Variants in TRHDE observed in about 807,000 individuals in gnomAD.
TRHDE encodes the protein thyrotropin releasing hormone degrading enzyme.
Under a neutral mutation model 125.7 loss-of-function variants are expected in TRHDE, and 72 were observed. The observed-to-expected ratio is 0.57, with a 90% CI of 0.47 to 0.70. TRHDE has a LOEUF of 0.70. Ranked by LOEUF, TRHDE falls within the 30% of genes least tolerant of loss-of-function variation. The pLI, the probability that TRHDE is intolerant of heterozygous loss-of-function variation, is 0.00. For synonymous variants in TRHDE, 509 were observed against 509.1 expected (o/e 1.00, Z 0.00); for missense variants, 1,110 against 1,327.1 (o/e 0.84, Z 2.54).
intron 2 of TRHDE, among the ~76,000 whole-genome samples, chr12:72,139,735 C>A (rs1876069539): frequency 6.6e-6 from 1 of 151,996 alleles, no homozygotes; most frequent in Non-Finnish European, 1.5e-5. Flanking sequence ...ATAAAATTAC[C>A]CTATTGTAAA....
chr12:72,272,849 G>C lies in TRHDE; in HGVS notation c.206G>C (p.Gly69Ala). 1.3e-6 allele frequency: 2 copies of C among 1,583,342 alleles called. No individual in the cohort carries two copies. The highest frequency in any genetic ancestry group is 2.3e-5 in the South Asian group (2 of 88,256). ...TCCGACCCGTGGGCAGACTCAGTGGGAGTGCGACCCCGCACCACGGAGCGC... is the reference window on the plus strand; with the variant it reads ...TCCGACCCGTGGGCAGACTCAGTGGCAGTGCGACCCCGCACCACGGAGCGC... ...GLSDPWADSVGVRPRTTERHI... is the reference protein window; with the variant it reads ...GLSDPWADSVAVRPRTTERHI... Residue 69 changes from glycine (G) to alanine (A), a missense_variant, in exon 1 of 19, where the codon GGA becomes GCA. Transcript: ENST00000261180. This position sits in a 1 kb window ranked among gnomAD's most constrained non-coding sequence, Gnocchi z 6.7.
intron 2 of TRHDE, among the ~76,000 whole-genome samples, chr12:72,244,365 G>A (rs537120076): frequency 6.6e-6 from 1 of 152,198 alleles, no homozygotes; most frequent in South Asian, 2.1e-4. Flanking sequence ...AACGCTGTTT[G>A]TAAGTTCAGC....
intron 7 of TRHDE, among the ~76,000 whole-genome samples, chr12:72,556,691 C>T (rs539345694): frequency 6.6e-6 from 1 of 152,266 alleles, no homozygotes; most frequent in East Asian, 1.9e-4. Flanking sequence ...TGAGTGATTG[C>T]CCCCGTATAA....
intron 1 of TRHDE, among the ~76,000 whole-genome samples, chr12:72,283,095 T>G (rs905398974): frequency 1.3e-5 from 2 of 152,190 alleles, no homozygotes; most frequent in African/African-American, 4.8e-5. Context: ...ATAATACCCG[T>G]CTAGGTATAT....
chr12:72,582,418 A>C, intron 12 of TRHDE: 1 of 985,338 alleles, frequency 1.0e-6, no homozygotes. Flanking sequence ...CAAACTGTGG[A>C]AGTAATTTGC....
At chr12:72,305,936 A>G (rs1376065092) in intron 2 of TRHDE, among the ~76,000 whole-genome samples, 2 of 152,154 alleles carry the variant, frequency 1.3e-5, no homozygotes, top group Admixed American at 1.3e-4. Context: ...TACCTTGGCC[A>G]TTATTACTTT....
chr12:72,377,167 C>T (rs562053852), intron 2 of TRHDE, among the ~76,000 whole-genome samples: 2 of 152,248 alleles, frequency 1.3e-5, no homozygotes, highest in African/African-American at 4.8e-5. Context: ...TTAGGGACCA[C>T]ATCTGTGAAA....
At position 72,567,314 on chromosome 12, in the gene TRHDE, T is replaced by G. The variant is rs74105906; in HGVS notation, c.2043-1254T>G. 5.4e-3 allele frequency among the ~76,000 whole-genome samples: 714 copies of G among 131,162 alleles called. 11 individuals carry two copies. The highest frequency in any genetic ancestry group is 0.019 in the African/African-American group (685 of 36,946). 86.0% of individuals were successfully genotyped at this position (131,162 alleles called of 152,430 possible). A position where few individuals can be genotyped will look rare whatever the true frequency, so the allele number is the denominator to read the frequency against. ...TCCACATAGTTTGCCCTCCAAAATG[T>G]TTTTTTTTCATTAAGTATAGGATAT... On this transcript the variant is annotated intron_variant, in intron 9 of 18. Coordinates refer to ENST00000261180, the MANE Select transcript of TRHDE (RefSeq NM_013381.3).
At chr12:72,356,615 A>G (rs1870835096) in intron 2 of TRHDE, among the ~76,000 whole-genome samples, 2 of 151,528 alleles carry the variant, frequency 1.3e-5, no homozygotes. Flanking sequence ...GTGAGAAGTT[A>G]TGTGGTTTAC....
At chr12:72,339,839 G>A (rs1870001005) in intron 2 of TRHDE, among the ~76,000 whole-genome samples, 1 of 152,242 alleles carries the variant, frequency 6.6e-6, no homozygotes, top group South Asian at 2.1e-4. Context: ...GTTCTCCACT[G>A]GAAATTGCCC....
intron 2 of TRHDE, among the ~76,000 whole-genome samples, chr12:72,335,400 T>G (rs1396530785): frequency 1.3e-5 from 2 of 152,202 alleles, no homozygotes; most frequent in Non-Finnish European, 2.9e-5. Flanking sequence ...TGGCATTTAG[T>G]CATCTTTTAT....
chr12:72,532,802 T>G (rs10879440), intron 6 of TRHDE, among the ~76,000 whole-genome samples: 10,599 of 149,920 alleles, frequency 0.071, 443 homozygotes, highest in Middle Eastern at 0.12. Flanking sequence ...ATTTATTGTA[T>G]TATCACATAT....
At chr12:72,487,277 A>G (rs1459661489) in intron 5 of TRHDE, among the ~76,000 whole-genome samples, 1 of 152,316 alleles carries the variant, frequency 6.6e-6, no homozygotes, top group Admixed American at 6.5e-5. Flanking sequence ...TGATATTGTC[A>G]GTAGTCCCCA....
intron 2 of TRHDE, among the ~76,000 whole-genome samples, chr12:72,348,733 A>G (rs1870446566): frequency 6.6e-6 from 1 of 152,032 alleles, no homozygotes; most frequent in Admixed American, 6.6e-5. Context: ...TCCAATCTAT[A>G]GGCATTCTTT....
At chr12:72,104,166 A>G (rs1875129386) in intron 1 of TRHDE, among the ~76,000 whole-genome samples, 1 of 152,128 alleles carries the variant, frequency 6.6e-6, no homozygotes, top group South Asian at 2.1e-4. Flanking sequence ...TCAAGCATAA[A>G]TTTTATTATT....
At chr12:72,256,715 G>C (rs1235104971) in intron 2 of TRHDE, 2 of 152,178 alleles carry the variant, frequency 1.3e-5, no homozygotes, top group East Asian at 3.9e-4. Flanking sequence ...ACTTGCATTA[G>C]TTACCATGTT....
intron 2 of TRHDE, among the ~76,000 whole-genome samples, chr12:72,353,367 A>G (rs142097811): frequency 9.9e-4 from 151 of 151,880 alleles, no homozygotes; most frequent in Middle Eastern, 3.4e-3. Context: ...TACAGGAAAT[A>G]TGGAAGAAAA....
chr12:72,163,312 CCTATAACAG>C (rs1433323255), intron 2 of TRHDE, among the ~76,000 whole-genome samples: 2 of 152,170 alleles, frequency 1.3e-5, no homozygotes, highest in African/African-American at 4.8e-5. Context: ...CCCTTGAATA[CCTATAACAG>C]CTTGTCTGAG....
intron 6 of TRHDE, among the ~76,000 whole-genome samples, chr12:72,534,783 T>C (rs2135979540): frequency 6.6e-6 from 1 of 152,238 alleles, no homozygotes; most frequent in East Asian, 1.9e-4. Flanking sequence ...GGGCTTTTCC[T>C]GTGCTTTTAA....
Sources: gnomAD v4.1 joint callset for allele counts (sites outside exome capture counted in the v4.1 genomes callset) on GRCh38, gnomAD v4.1.1 for gene constraint, Gnocchi (gnomAD v3.1) non-coding constraint, MANE v1.5 for transcripts, NCBI Gene and HGNC (gene_info 2026-07-23, HGNC 2026-07-21) for gene names.